Variants in SRGAP2B observed in about 807,000 individuals in gnomAD.
SRGAP2B encodes the protein SLIT-ROBO Rho GTPase-activating protein 2B.
SRGAP2B carries 9 observed loss-of-function variants against 22.2 expected under a neutral mutation model. The ratio of observed to expected loss-of-function variants is 0.41; its 90% confidence interval spans 0.24 to 0.71. The LOEUF is 0.71. Ranked by LOEUF, SRGAP2B falls within the 30% of genes least tolerant of loss-of-function variation. The probability of loss-of-function intolerance (pLI) is 0.35; values close to 1 mark genes in which losing one functional copy is unlikely to be tolerated. For synonymous variants in SRGAP2B, 36 were observed against 87.4 expected (o/e 0.41, Z 3.28); for missense variants, 114 against 235.8 (o/e 0.48, Z 3.38).
At position 145,006,230 on chromosome 1, in the gene SRGAP2B, C is replaced by T. The variant is rs1671580636; in HGVS notation, c.68-11030G>A. 2.0e-5 allele frequency among the ~76,000 whole-genome samples: 3 copies of T among 151,064 alleles called. No individual in the cohort carries two copies. The South Asian group carries it at 6.2e-4, about 31-fold the overall frequency. On this transcript the variant is annotated intron_variant, in intron 2 of 9. Transcript: ENST00000612199. ...GGAGGCTTCAAGAATCAAACTTTGA[C>T]CTACAGGAGATAGAAACTGACGAAT...
intron 2 of SRGAP2B, among the ~76,000 whole-genome samples, chr1:145,067,162 G>T (rs587601049): frequency 1.4e-5 from 2 of 145,884 alleles, no homozygotes; most frequent in Admixed American, 1.4e-4. Flanking sequence ...GGTGACACAC[G>T]CTTGTAATCC....
chr1:144,963,689 C>T (rs1269982663), intron 3 of SRGAP2B, among the ~76,000 whole-genome samples: 1 of 151,266 alleles, frequency 6.6e-6, no homozygotes, highest in Non-Finnish European at 1.5e-5. Flanking sequence ...GTCTGGCTCA[C>T]CCCTGGTAGT....
At chr1:144,911,348 G>T (rs1230865082) in intron 5 of SRGAP2B, among the ~76,000 whole-genome samples, 1 of 148,444 alleles carries the variant, frequency 6.7e-6, no homozygotes, top group Non-Finnish European at 1.5e-5. Context: ...CTCCTCAAAG[G>T]TGTGCATACA....
At chr1:144,929,408 A>C (rs1553345484) in intron 4 of SRGAP2B, among the ~76,000 whole-genome samples, 1 of 150,326 alleles carries the variant, frequency 6.7e-6, no homozygotes, top group Non-Finnish European at 1.5e-5. Flanking sequence ...ACTTACACCT[A>C]TATTTTCTTC....
chr1:145,042,171 C>T (rs1553627734), intron 2 of SRGAP2B, among the ~76,000 whole-genome samples: 2 of 147,664 alleles, frequency 1.4e-5, no homozygotes, highest in Non-Finnish European at 3.0e-5. Context: ...AGGCAGGGAG[C>T]TAGGTCATGC....
intron 2 of SRGAP2B, among the ~76,000 whole-genome samples, chr1:145,059,442 GA>G (rs1231192227): frequency 3.9e-5 from 2 of 50,786 alleles, no homozygotes; most frequent in African/African-American, 1.6e-4. Context: ...AAAAAAGAAA[GA>G]AAAAAAACTT....
chr1:144,997,566 C>G (rs1187292370), intron 2 of SRGAP2B, among the ~76,000 whole-genome samples: 2 of 150,004 alleles, frequency 1.3e-5, no homozygotes, highest in Non-Finnish European at 2.9e-5. Context: ...CTGTAATGCA[C>G]TTAAGAATTT....
chr1:144,925,659 G>A (rs1238254239), intron 4 of SRGAP2B, among the ~76,000 whole-genome samples: 6 of 123,040 alleles, frequency 4.9e-5, no homozygotes, highest in South Asian at 2.6e-4. Context: ...AAAAAAGAAA[G>A]AAAAAAAAAG....
At chr1:145,084,071 C>CTTTTTTTTT (rs1553635074) in intron 2 of SRGAP2B, among the ~76,000 whole-genome samples, 2 of 134,166 alleles carry the variant, frequency 1.5e-5, no homozygotes, top group Non-Finnish European at 3.2e-5. Flanking sequence ...TCTTTCTTTT[C>CTTTTTTTTT]TTTTTTTTTT....
At chr1:144,910,510 T>C (rs2101720639) in intron 5 of SRGAP2B, among the ~76,000 whole-genome samples, 2 of 150,018 alleles carry the variant, frequency 1.3e-5, no homozygotes, top group African/African-American at 5.0e-5. Context: ...ACACAGCCGA[T>C]GCTCCAAGCC....
At chr1:145,068,893 A>ATGTATGTG (rs1301267926) in intron 2 of SRGAP2B, among the ~76,000 whole-genome samples, 9 of 109,258 alleles carry the variant, frequency 8.2e-5, no homozygotes, top group African/African-American at 3.2e-4. Context: ...ATAAGGTAAA[A>ATGTATGTG]TGTGTGTGTG....
chr1:144,944,683 TTTTATTTATTTA>T (rs57558732), intron 4 of SRGAP2B, among the ~76,000 whole-genome samples: 61 of 132,310 alleles, frequency 4.6e-4, no homozygotes, highest in African/African-American at 1.6e-3. Flanking sequence ...GAATTGGTTG[TTTTATTTATTTA>T]TTTATTTATT....
At chr1:144,990,846 G>A (rs1328083812) in intron 3 of SRGAP2B, among the ~76,000 whole-genome samples, 1 of 151,440 alleles carries the variant, frequency 6.6e-6, no homozygotes, top group Non-Finnish European at 1.5e-5. Context: ...GCCCATCGGC[G>A]CTGTGCTCGA....
At chr1:144,915,874 T>C (rs1663844341) in intron 4 of SRGAP2B, among the ~76,000 whole-genome samples, 1 of 150,216 alleles carries the variant, frequency 6.7e-6, no homozygotes, top group Non-Finnish European at 1.5e-5. Flanking sequence ...CCTTGTTTTA[T>C]CTTTTGCCAG....
exon 10 of SRGAP2B, chr1:144,887,350 TTAGA>T (rs1164814984): frequency 5.8e-5 from 7 of 120,226 alleles, no homozygotes; most frequent in Non-Finnish European, 1.0e-4. Flanking sequence ...ACAATATGAA[TTAGA>T]TAATTCAGAA....
At chr1:145,065,166 T>C (rs1177274817) in intron 2 of SRGAP2B, among the ~76,000 whole-genome samples, 5 of 151,936 alleles carry the variant, frequency 3.3e-5, no homozygotes, top group South Asian at 2.1e-4. Context: ...GGGATCTGTC[T>C]AGGACCCGAT....
chr1:144,951,682 A>C (rs1370981752), intron 4 of SRGAP2B, among the ~76,000 whole-genome samples: 1 of 147,658 alleles, frequency 6.8e-6, no homozygotes, highest in Non-Finnish European at 1.5e-5. Context: ...TAAGTTTTAT[A>C]GATTAAAAAA....
chr1:144,934,167 G>A (rs1336691987), intron 4 of SRGAP2B, among the ~76,000 whole-genome samples: 1 of 150,556 alleles, frequency 6.6e-6, no homozygotes, highest in Non-Finnish European at 1.5e-5. Context: ...CAGTTTGGGA[G>A]GCCGAGGCGG....
chr1:144,966,867 A>C (rs1488628085), intron 3 of SRGAP2B, among the ~76,000 whole-genome samples: 1 of 148,734 alleles, frequency 6.7e-6, no homozygotes, highest in Admixed American at 6.6e-5. Flanking sequence ...CAGACTTTAA[A>C]CCCACAAAGA....
Sources: gnomAD v4.1 joint callset for allele counts (sites outside exome capture counted in the v4.1 genomes callset) on GRCh38, gnomAD v4.1.1 for gene constraint, MANE v1.5 for transcripts, NCBI Gene and HGNC (gene_info 2026-07-23, HGNC 2026-07-21) for gene names.